Variants in RIT2 observed in about 807,000 individuals in gnomAD.
The protein encoded by RIT2 is Ras like without CAAX 2, also known as GTP-binding protein Rit2.
RIT2 carries 24 observed loss-of-function variants against 23.7 expected under a neutral mutation model. The observed-to-expected ratio is 1.01, with a 90% CI of 0.73 to 1.43. The LOEUF (loss-of-function observed/expected upper bound fraction) is 1.43. RIT2 is among the 40% of genes most tolerant of loss of function. The pLI, the probability that RIT2 is intolerant of heterozygous loss-of-function variation, is 0.00. For synonymous variants in RIT2, 107 were observed against 91.1 expected (o/e 1.17, Z -0.99); for missense variants, 236 against 266.9 (o/e 0.88, Z 0.81).
intron 2 of RIT2, among the ~76,000 whole-genome samples, chr18:43,004,397 C>T (rs536434949): frequency 1.3e-5 from 2 of 151,848 alleles, no homozygotes; most frequent in East Asian, 2.0e-4. Context: ...ACCCATAATC[C>T]TTAGCTTACA....
chr18:42,913,584 A>G (rs574461515), intron 4 of RIT2, among the ~76,000 whole-genome samples: 1 of 152,122 alleles, frequency 6.6e-6, no homozygotes, highest in South Asian at 2.1e-4. Flanking sequence ...AAATAAAAAT[A>G]AGCATTATCT....
chr18:43,074,077 C>CA (rs1196489461), intron 1 of RIT2, among the ~76,000 whole-genome samples: 2 of 152,168 alleles, frequency 1.3e-5, no homozygotes, highest in South Asian at 4.1e-4. Context: ...GCTTCAGAAA[C>CA]AGCCTTTTTA....
intron 2 of RIT2, among the ~76,000 whole-genome samples, chr18:43,021,563 T>C (rs1442935294): frequency 1.3e-5 from 2 of 152,096 alleles, no homozygotes; most frequent in African/African-American, 2.4e-5. Flanking sequence ...TGGTTTCTCA[T>C]GAATGGTTTA....
At chr18:42,777,162 A>C (rs1437741556) in intron 4 of RIT2, among the ~76,000 whole-genome samples, 13 of 152,100 alleles carry the variant, frequency 8.5e-5, no homozygotes, top group Non-Finnish European at 1.9e-4. Context: ...AAACATAAAA[A>C]TTTGGGGGCA....
chr18:42,877,211 T>C (rs1474651554), intron 4 of RIT2, among the ~76,000 whole-genome samples: 2 of 151,944 alleles, frequency 1.3e-5, no homozygotes, highest in Non-Finnish European at 2.9e-5. Flanking sequence ...ATGGTTAGGG[T>C]ATATATTATA....
intron 4 of RIT2, among the ~76,000 whole-genome samples, chr18:42,851,656 C>G (rs919358515): frequency 6.6e-6 from 1 of 152,048 alleles, no homozygotes; most frequent in Non-Finnish European, 1.5e-5. Context: ...TCGAGACCAT[C>G]CTGGCCAACA....
At chr18:42,793,899 T>C (rs1914096703) in intron 4 of RIT2, among the ~76,000 whole-genome samples, 1 of 152,148 alleles carries the variant, frequency 6.6e-6, no homozygotes, top group Non-Finnish European at 1.5e-5. Context: ...TTTCTTGACT[T>C]TTTCTTTCCA....
At chr18:42,823,554 A>G (rs1251870523) in intron 4 of RIT2, among the ~76,000 whole-genome samples, 6 of 152,182 alleles carry the variant, frequency 3.9e-5, no homozygotes, top group Admixed American at 3.9e-4. Flanking sequence ...TCAAGAGATC[A>G]AGTTTCTACT....
At chr18:42,969,649 T>C (rs1164298639) in intron 3 of RIT2, among the ~76,000 whole-genome samples, 1 of 151,582 alleles carries the variant, frequency 6.6e-6, no homozygotes, top group East Asian at 1.9e-4. Flanking sequence ...GGTCATGGAA[T>C]TGACTGGATA....
chr18:43,028,021 A>C (rs1911772726), intron 2 of RIT2, among the ~76,000 whole-genome samples: 1 of 152,098 alleles, frequency 6.6e-6, no homozygotes, highest in Non-Finnish European at 1.5e-5. Context: ...ATTCAGAAAA[A>C]AGCAGGCATG....
intron 4 of RIT2, among the ~76,000 whole-genome samples, chr18:42,884,962 A>G (rs527310049): frequency 4.8e-4 from 73 of 152,340 alleles, no homozygotes; most frequent in African/African-American, 1.7e-3. Flanking sequence ...AAAAGTTTCT[A>G]CTACAGCTTC....
At chr18:42,845,623 C>T (rs542190973) in intron 4 of RIT2, among the ~76,000 whole-genome samples, 1 of 149,596 alleles carries the variant, frequency 6.7e-6, no homozygotes, top group East Asian at 1.9e-4. Context: ...AATTTCCTTA[C>T]ATTCCAAATA....
chr18:43,103,097 GT>G (rs1452220802), intron 1 of RIT2, among the ~76,000 whole-genome samples: 1 of 152,132 alleles, frequency 6.6e-6, no homozygotes, highest in Non-Finnish European at 1.5e-5. Flanking sequence ...ACCAAAGATT[GT>G]TAATGCTGGC....
intron 1 of RIT2, among the ~76,000 whole-genome samples, chr18:43,074,152 A>G (rs1912959799): frequency 6.6e-6 from 1 of 152,246 alleles, no homozygotes; most frequent in African/African-American, 2.4e-5. Flanking sequence ...TAGGAGCAGC[A>G]TAAGAACAGT....
chr18:42,812,837 C>T (rs1905889390), intron 4 of RIT2, among the ~76,000 whole-genome samples: 1 of 152,184 alleles, frequency 6.6e-6, no homozygotes, highest in African/African-American at 2.4e-5. Context: ...AAAAGCCCTT[C>T]ATAAGCTTTA....
At chr18:43,070,039 A>G (rs1406598745) in intron 1 of RIT2, among the ~76,000 whole-genome samples, 1 of 152,158 alleles carries the variant, frequency 6.6e-6, no homozygotes, top group Admixed American at 6.6e-5. Flanking sequence ...AGAGCCTCAC[A>G]CTGAGAAATG....
At chr18:42,803,197 C>A (rs1404478198) in intron 4 of RIT2, among the ~76,000 whole-genome samples, 2 of 152,164 alleles carry the variant, frequency 1.3e-5, no homozygotes, top group Admixed American at 1.3e-4. Context: ...CTTCATCATT[C>A]CAACCTATTT....
intron 4 of RIT2, among the ~76,000 whole-genome samples, chr18:42,769,685 CTCTA>C (rs910551463): frequency 3.9e-5 from 6 of 151,924 alleles, no homozygotes; most frequent in Admixed American, 2.0e-4. Context: ...CAGAGGGCCA[CTCTA>C]TCTATGATTC....
intron 2 of RIT2, among the ~76,000 whole-genome samples, chr18:43,029,634 T>G (rs942135444): frequency 6.6e-6 from 1 of 151,982 alleles, no homozygotes; most frequent in Non-Finnish European, 1.5e-5. Context: ...GAAATAAAAG[T>G]AGGCAAAGAA....
Sources: gnomAD v4.1 joint callset for allele counts (sites outside exome capture counted in the v4.1 genomes callset) on GRCh38, gnomAD v4.1.1 for gene constraint, MANE v1.5 for transcripts, NCBI Gene and HGNC (gene_info 2026-07-23, HGNC 2026-07-21) for gene names.